The following ESF1 variants were observed in gnomAD, a reference collection of about 807,000 sequenced individuals.
The protein encoded by ESF1 is ESF1 homolog.
ESF1 carries 58 observed loss-of-function variants against 92.0 expected under a neutral mutation model. That is an observed-to-expected ratio of 0.63 (90% confidence interval 0.51 to 0.78). The LOEUF is 0.78. Ranked by LOEUF, ESF1 falls within the 30% of genes least tolerant of loss-of-function variation. ESF1 has a pLI of 0.00. For synonymous variants in ESF1, 321 were observed against 313.7 expected (o/e 1.02, Z -0.24); for missense variants, 922 against 989.1 (o/e 0.93, Z 0.91).
chr20:13,756,069 A>C lies in ESF1; in HGVS notation c.1828+3623T>G, dbSNP rs550084460. 2.6e-5 allele frequency among the ~76,000 whole-genome samples: 4 copies of C among 152,342 alleles called. No individual in the cohort carries two copies. The East Asian group carries it at 7.7e-4, about 29-fold the overall frequency. ...TGAGGTTCAGGGTAACTGTTACAGA[A>C]AACACACATTTCTTAAGACATAAAT... is the stretch of plus-strand genomic sequence containing the variant. On this transcript the variant is annotated intron_variant, in intron 9 of 13. Transcript: ENST00000617257.
intron 9 of ESF1, among the ~76,000 whole-genome samples, chr20:13,744,505 T>TAA (rs1393257046): frequency 6.6e-6 from 1 of 152,216 alleles, no homozygotes; most frequent in African/African-American, 2.4e-5. Context: ...GGGTGAAAGC[T>TAA]AAAGTCCACC....
chr20:13,714,756 G>T lies in ESF1; in HGVS notation c.*118C>A. The T allele has an allele frequency of 1.0e-6, 1 of 1,002,492 alleles. No individual in the cohort carries two copies. Among genetic ancestry groups the T allele is most frequent in the East Asian group, 2.6e-5 (1 of 37,860 alleles). 62.1% of individuals were successfully genotyped at this position (1,002,492 alleles called of 1,614,324 possible). A position where few individuals can be genotyped will look rare whatever the true frequency, so the allele number is the denominator to read the frequency against. On this transcript the variant is annotated 3_prime_UTR_variant, in exon 14 of 14. Coordinates refer to ENST00000617257, the MANE Select transcript of ESF1 (RefSeq NM_001276380.2). ...ATGGAGAAAAATTTTACTATGTCCA[G>T]AAAAAGATTTTATTCATGTTCTTGA...
Position 13,776,409 on chromosome 20 carries a change from G to C in ESF1, c.638-139C>G, listed in dbSNP as rs561474629. 95 of 808,674 alleles carry C rather than the reference G, an allele frequency of 1.2e-4. No homozygotes were observed. The African/African-American group carries it at 1.5e-3, about 13-fold the overall frequency. The allele number at this position is 808,674 out of a possible 1,614,324, so 50.1% of individuals were successfully genotyped here. A position where few individuals can be genotyped will look rare whatever the true frequency, so the allele number is the denominator to read the frequency against. On this transcript the variant is annotated intron_variant, in intron 2 of 13. Transcript: ENST00000617257. Reference sequence around the variant, plus strand: ...AAAGACAAATATATATTCAGTAAATGCTTAGTCAATTTTTATGATAGAAAT... The same window carrying C: ...AAAGACAAATATATATTCAGTAAATCCTTAGTCAATTTTTATGATAGAAAT...
chr20:13,739,465 T>C (rs888927012), intron 9 of ESF1, among the ~76,000 whole-genome samples: 2 of 152,222 alleles, frequency 1.3e-5, no homozygotes, highest in African/African-American at 2.4e-5. Flanking sequence ...TTTATTTGTA[T>C]GTTTTCTTTG....
chr20:13,766,983 G>C (rs1600289740), intron 7 of ESF1, 59 bp from the exon 8 acceptor site: 3 of 1,543,804 alleles, frequency 1.9e-6, no homozygotes, highest in Admixed American at 3.5e-5. Context: ...GCTCAAACTT[G>C]TTAAAGAATA....
chr20:13,718,731 A>G (rs2049847373), intron 12 of ESF1, among the ~76,000 whole-genome samples, 177 bp downstream of exon 12: 1 of 152,152 alleles, frequency 6.6e-6, no homozygotes, highest in Non-Finnish European at 1.5e-5. Context: ...ATGTTTGGTA[A>G]AAAAAACACT....
chr20:13,717,575 G>C, intron 12 of ESF1, 61 bp from the exon 13 acceptor site: 1 of 1,579,782 alleles, frequency 6.3e-7, no homozygotes, highest in Non-Finnish European at 8.6e-7. Context: ...CCCCCAAAAA[G>C]GAGTATAGGG....
chr20:13,741,128 C>T (rs2050010845), intron 9 of ESF1, among the ~76,000 whole-genome samples: 1 of 152,186 alleles, frequency 6.6e-6, no homozygotes, highest in African/African-American at 2.4e-5. Context: ...CCCATGTTCT[C>T]ATCCCCAGAA....
intron 2 of ESF1, among the ~76,000 whole-genome samples, chr20:13,777,041 T>G (rs1979973842): frequency 6.6e-6 from 1 of 152,220 alleles, no homozygotes; most frequent in Non-Finnish European, 1.5e-5. Context: ...GGATGTCATC[T>G]TCTTTTGGAT....
chr20:13,740,101 C>G (rs773150017), intron 9 of ESF1, among the ~76,000 whole-genome samples: 3 of 152,154 alleles, frequency 2.0e-5, no homozygotes, highest in Non-Finnish European at 4.4e-5. Context: ...ACTTGTGTGG[C>G]CCAAAATAAT....
chr20:13,783,470 T>C (rs1980359022), intron 1 of ESF1, among the ~76,000 whole-genome samples: 1 of 152,222 alleles, frequency 6.6e-6, no homozygotes, highest in Non-Finnish European at 1.5e-5. Context: ...TGTTTATTCA[T>C]CCATTGCTCT....
chr20:13,779,981 C>A (rs1980106894), intron 2 of ESF1, among the ~76,000 whole-genome samples: 1 of 152,238 alleles, frequency 6.6e-6, no homozygotes, highest in African/African-American at 2.4e-5. Context: ...CCTCACATCA[C>A]CTTTACTTCA....
chr20:13,771,553 T>A, intron 5 of ESF1, 70 bp from the exon 6 acceptor site: 1 of 1,282,938 alleles, frequency 7.8e-7, no homozygotes, highest in Non-Finnish European at 1.1e-6. Context: ...AAAATAAATG[T>A]AATTCTTTCA....
At chr20:13,724,699 G>A (rs1026419152) in intron 11 of ESF1, among the ~76,000 whole-genome samples, 2 of 152,162 alleles carry the variant, frequency 1.3e-5, no homozygotes, top group Non-Finnish European at 2.9e-5. Context: ...TATACCATAG[G>A]AAGTCAGATT....
chr20:13,773,325 T>G (rs1274156360), intron 4 of ESF1, among the ~76,000 whole-genome samples: 2 of 152,252 alleles, frequency 1.3e-5, no homozygotes, highest in African/African-American at 4.8e-5. Context: ...CTTACTAACT[T>G]GAATAGTATA....
At position 13,782,871 on chromosome 20, in the gene ESF1, A is replaced by C; in HGVS notation, c.270T>G (p.Ser90Arg). 6.2e-7 allele frequency: 1 copy of C among 1,610,520 alleles called. No individual in the cohort carries two copies. The highest frequency in any genetic ancestry group is 8.5e-7 in the Non-Finnish European group (1 of 1,179,414). Residue 90 changes from serine (S) to arginine (R), a missense_variant, in exon 2 of 14, where the codon AGT (serine) becomes AGG (arginine). Ser to Arg is a moderately radical substitution (Grantham distance 110). Coordinates refer to ENST00000617257, the MANE Select transcript of ESF1 (RefSeq NM_001276380.2). ...TTTTTTTCTTCTTTATTTTCTTTTGACTCAATGCTTTGCTATCTTCACCAG... is the reference window on the plus strand; with the variant it reads ...TTTTTTTCTTCTTTATTTTCTTTTGCCTCAATGCTTTGCTATCTTCACCAG... ...NLSGEDSKAL[S>R]QKKIKKKKTQ...
In ESF1 at chr20:13,783,144, T is replaced by A. The variant is rs1005988105; in HGVS notation, c.-4A>T. The A allele has an allele frequency of 3.1e-6, 5 of 1,592,228 alleles. No individual in the cohort carries two copies. The African/African-American group carries it at 5.4e-5, about 17-fold the overall frequency. On this transcript the variant is annotated 5_prime_UTR_variant, in exon 2 of 14. Transcript: ENST00000617257. The stretch of plus-strand genomic sequence containing the variant: ...TTATTTCTTGTTTGGATGACATTTT[T>A]AATTCTTAATCTCGACCAAATGCTT...
At chr20:13,775,307 T>C (rs1979881546) in intron 3 of ESF1, 37 bp from the exon 4 acceptor site, 2 of 1,282,670 alleles carry the variant, frequency 1.6e-6, no homozygotes, top group Middle Eastern at 2.3e-4. Context: ...ACATAATCCA[T>C]ATCATTCTCA....
intron 10 of ESF1, among the ~76,000 whole-genome samples, chr20:13,732,293 T>G (rs2049948345): frequency 6.6e-6 from 1 of 152,230 alleles, no homozygotes; most frequent in Non-Finnish European, 1.5e-5. Context: ...CACAGAAGTC[T>G]TCTTCTGTGT....
Sources: allele counts gnomAD v4.1 joint callset (sites outside exome capture counted in the v4.1 genomes callset), GRCh38; gene constraint gnomAD v4.1.1; transcripts MANE v1.5; gene names NCBI Gene and HGNC (gene_info 2026-07-23, HGNC 2026-07-21).